Variants in GRB14 observed in about 807,000 individuals in gnomAD.
The protein encoded by GRB14 is growth factor receptor bound protein 14, also known as growth factor receptor-bound protein 14.
GRB14 carries 38 observed loss-of-function variants against 69.1 expected under a neutral mutation model. The observed-to-expected ratio is 0.55, with a 90% CI of 0.42 to 0.72. The LOEUF (loss-of-function observed/expected upper bound fraction) is 0.72. GRB14 is among the 30% of genes least tolerant of loss of function. The pLI is 0.00. For missense variants in GRB14, 666 were observed against 666.1 expected, an observed-to-expected ratio of 1.00 and a Z score of 0.00; for synonymous variants, 247 against 241.3, an observed-to-expected ratio of 1.02 and a Z score of -0.22.
intron 2 of GRB14, among the ~76,000 whole-genome samples, chr2:164,606,655 C>G (rs916804282): frequency 6.6e-6 from 1 of 152,080 alleles, no homozygotes; most frequent in Non-Finnish European, 1.5e-5. Flanking sequence ...AACAAAACAT[C>G]AAGTTCCCAG....
intron 2 of GRB14, among the ~76,000 whole-genome samples, chr2:164,564,591 T>C (rs1574313872): frequency 6.6e-6 from 1 of 152,122 alleles, no homozygotes; most frequent in South Asian, 2.1e-4. Flanking sequence ...CTTAAAAAAA[T>C]ATATGTCATT....
At chr2:164,525,662 G>A (rs542053553) in intron 4 of GRB14, among the ~76,000 whole-genome samples, 2 of 152,118 alleles carry the variant, frequency 1.3e-5, no homozygotes, top group East Asian at 3.9e-4. Context: ...GCAAGTCCTG[G>A]ATTCTATGTT....
chr2:164,502,199 A>T, intron 9 of GRB14, 56 bp downstream of exon 9: 1 of 855,568 alleles, frequency 1.2e-6, no homozygotes, highest in East Asian at 2.5e-5. Context: ...AGTGTAATTT[A>T]AATTAATATA....
intron 2 of GRB14, among the ~76,000 whole-genome samples, chr2:164,563,549 G>C (rs181337239): frequency 6.4e-4 from 97 of 152,354 alleles, no homozygotes; most frequent in African/African-American, 2.0e-3. Context: ...TCTGTGCAAA[G>C]ACTGTAAACA....
chr2:164,573,672 C>G, intron 2 of GRB14: 4 of 1,585,780 alleles, frequency 2.5e-6, no homozygotes, highest in Non-Finnish European at 3.4e-6. Flanking sequence ...TCAGTAGAAG[C>G]CAGAATCTTG....
intron 2 of GRB14, among the ~76,000 whole-genome samples, chr2:164,599,781 C>A (rs1212080607): frequency 6.6e-6 from 1 of 152,136 alleles, no homozygotes; most frequent in African/African-American, 2.4e-5. Context: ...TATTACACAA[C>A]AAATCATCTG....
At chr2:164,583,561 G>T (rs1190629258) in intron 2 of GRB14, among the ~76,000 whole-genome samples, 1 of 152,010 alleles carries the variant, frequency 6.6e-6, no homozygotes, top group Non-Finnish European at 1.5e-5. Context: ...AATGAATCAA[G>T]GATGCACATT....
Position 164,573,732 on chromosome 2 carries a change from T to G in GRB14, c.325-25916A>C, listed in dbSNP as rs999377907. ...CCTGCTATTCTAATTAAGTTTCTTCTCAATATTCATGCCCGTCTCTTCATA... is the reference window on the plus strand; with the variant it reads ...CCTGCTATTCTAATTAAGTTTCTTCGCAATATTCATGCCCGTCTCTTCATA... On this transcript the variant is annotated intron_variant, in intron 2 of 13. Transcript: ENST00000263915. The G allele has an allele frequency of 3.1e-6, 5 of 1,606,878 alleles. No homozygotes were observed. In the African/African-American group the frequency reaches 6.7e-5, roughly 21 times the overall value.
chr2:164,599,308 CG>C (rs10714272), intron 2 of GRB14, among the ~76,000 whole-genome samples: 115,267 of 152,020 alleles, frequency 0.76, 44,353 homozygotes, highest in Admixed American at 0.82. Context: ...GCCAAAGTAT[CG>C]TATGGGTAAA....
In GRB14 at chr2:164,621,200, T is replaced by C; in HGVS notation, c.110A>G (p.His37Arg). Residue 37 changes from histidine to arginine, a missense_variant, in exon 1 of 14, where the codon CAC (histidine) becomes CGC (arginine). His to Arg is a conservative substitution (Grantham distance 29, BLOSUM62 0). Coordinates refer to ENST00000263915, the MANE Select transcript of GRB14 (RefSeq NM_004490.3). The surrounding 1 kb of genome is among the most constrained non-coding windows in gnomAD (Gnocchi z 6.0). ...CGAAQGRGDA[H>R]DLAPAPWLHA... ...CAGCCAGGGGGCCGGCGCCAGGTCG[T>C]GGGCGTCGCCCCTCCCCTGGGCAGC... 8.0e-7 allele frequency: 1 copy of C among 1,243,674 alleles called. No individual in the cohort carries two copies. Among genetic ancestry groups the C allele is most frequent in the Non-Finnish European group, 1.0e-6 (1 of 989,396 alleles). 77.0% of individuals were successfully genotyped at this position (1,243,674 alleles called of 1,614,324 possible). A position where few individuals can be genotyped will look rare whatever the true frequency, so the allele number is the denominator to read the frequency against.
chr2:164,516,599 T>C (rs916726086), intron 6 of GRB14, among the ~76,000 whole-genome samples: 16 of 151,966 alleles, frequency 1.1e-4, no homozygotes, highest in Admixed American at 4.6e-4. Flanking sequence ...ACAAAATAAT[T>C]ATCAGCCAAA....
intron 2 of GRB14, among the ~76,000 whole-genome samples, chr2:164,600,036 A>G (rs1689876909): frequency 6.6e-6 from 1 of 152,218 alleles, no homozygotes; most frequent in Non-Finnish European, 1.5e-5. Context: ...TATTTCTTTA[A>G]TAGTCTAAAT....
At chr2:164,565,210 T>C (rs1054370391) in intron 2 of GRB14, among the ~76,000 whole-genome samples, 1 of 152,124 alleles carries the variant, frequency 6.6e-6, no homozygotes, top group African/African-American at 2.4e-5. Flanking sequence ...TCCGGGACCT[T>C]AAAATGTTTT....
At chr2:164,558,631 T>A (rs1343421926) in intron 2 of GRB14, among the ~76,000 whole-genome samples, 1 of 152,240 alleles carries the variant, frequency 6.6e-6, no homozygotes, top group African/African-American at 2.4e-5. Context: ...CAAGTGCTAA[T>A]GCTAATTCAT....
Position 164,590,012 on chromosome 2 carries a change from G to A in GRB14, c.324+29675C>T, listed in dbSNP as rs141770799. Among the ~76,000 whole-genome samples, 354 of 152,154 alleles carry A rather than the reference G, an allele frequency of 2.3e-3. 3 individuals carry two copies. The highest frequency in any genetic ancestry group is 3.6e-3 in the Non-Finnish European group (245 of 67,990). On this transcript the variant is annotated intron_variant, in intron 2 of 13. Coordinates refer to ENST00000263915, the MANE Select transcript of GRB14 (RefSeq NM_004490.3). ...CAGGTCCCTTTTATAGGGGCACTAA[G>A]CCTGTTCATGAGGGCTCCACCTTCC...
intron 2 of GRB14, among the ~76,000 whole-genome samples, chr2:164,601,231 AAAT>A (rs376887207): frequency 4.6e-5 from 7 of 151,786 alleles, no homozygotes; most frequent in Non-Finnish European, 7.4e-5. Context: ...TATAAATTGA[AAAT>A]AATAATAATA....
At chr2:164,578,830 C>A (rs1283577380) in intron 2 of GRB14, among the ~76,000 whole-genome samples, 2 of 152,086 alleles carry the variant, frequency 1.3e-5, no homozygotes, top group African/African-American at 4.8e-5. Context: ...TCTCTATAGA[C>A]TAAGGAGCAT....
Position 164,522,110 on chromosome 2 carries a change from A to G in GRB14, c.686T>C (p.Leu229Pro). Residue 229 changes from leucine (L) to proline (P), a missense_variant, in exon 6 of 14, where the codon CTG (leucine) becomes CCG (proline). Transcript: ENST00000263915. ...ISPTQILQMF[L>P]SSSTYPEIHG... ...AATTTCAGGATATGTGCTTGAACTC[A>G]GAAACATCTGAAAGAAAATTTATAT... The G allele has an allele frequency of 1.3e-6, 2 of 1,566,914 alleles. No individual in the cohort carries two copies. The highest frequency in any genetic ancestry group is 1.7e-6 in the Non-Finnish European group (2 of 1,150,678).
At chr2:164,515,429 G>A (rs1367021589) in intron 6 of GRB14, among the ~76,000 whole-genome samples, 1 of 152,174 alleles carries the variant, frequency 6.6e-6, no homozygotes, top group Non-Finnish European at 1.5e-5. Context: ...GGGCCCGGGA[G>A]CTCCACTGGG....
Sources: gnomAD v4.1 joint callset for allele counts (sites outside exome capture counted in the v4.1 genomes callset) on GRCh38, gnomAD v4.1.1 for gene constraint, Gnocchi (gnomAD v3.1) non-coding constraint, MANE v1.5 for transcripts, NCBI Gene and HGNC (gene_info 2026-07-23, HGNC 2026-07-21) for gene names.